The following SLCO3A1 variants were observed in gnomAD, a reference collection of about 807,000 sequenced individuals.
SLCO3A1 encodes PGE1 transporter.
Under a neutral mutation model 63.1 loss-of-function variants are expected in SLCO3A1, and 27 were observed. The observed-to-expected ratio is 0.43, with a 90% confidence interval of 0.32 to 0.59. The LOEUF (loss-of-function observed/expected upper bound fraction) is 0.59. Among genes scored for constraint, SLCO3A1 ranks in the 20% least tolerant of loss-of-function variants. The pLI, the probability that SLCO3A1 is intolerant of heterozygous loss-of-function variation, is 0.09. For missense variants in SLCO3A1, 773 were observed against 945.8 expected (o/e 0.82, Z 2.40); for synonymous variants, 473 against 409.9 (o/e 1.15, Z -1.86).
chr15:92,064,746 A>G (rs763441178), intron 2 of SLCO3A1, among the ~76,000 whole-genome samples: 1 of 152,200 alleles, frequency 6.6e-6, no homozygotes, highest in African/African-American at 2.4e-5. Flanking sequence ...GAACTGGAAG[A>G]CGTTATGAAA....
In SLCO3A1 at chr15:92,086,958, G is replaced by C. The variant is rs2047411962; in HGVS notation, c.647-7923G>C. Among the ~76,000 whole-genome samples, 3 of 149,290 alleles carry C rather than the reference G, an allele frequency of 2.0e-5. No individual in the cohort carries two copies. The South Asian group carries it at 6.5e-4, about 32-fold the overall frequency. On this transcript the variant is annotated intron_variant, in intron 2 of 9. Coordinates refer to ENST00000318445, the MANE Select transcript of SLCO3A1 (RefSeq NM_013272.4). ...AGATCAAGTCACTTCACTCTAACCGGGGTGAAAAAGCAAAACTCCGTCTCA... is the reference window on the plus strand; with the variant it reads ...AGATCAAGTCACTTCACTCTAACCGCGGTGAAAAAGCAAAACTCCGTCTCA...
intron 2 of SLCO3A1, among the ~76,000 whole-genome samples, chr15:91,979,484 A>AG (rs1901251537): frequency 1.3e-5 from 2 of 152,224 alleles, no homozygotes; most frequent in African/African-American, 2.4e-5. Context: ...CAACCTGTAT[A>AG]AATAACCTTA....
At chr15:92,112,418 C>T (rs2047740036) in intron 4 of SLCO3A1, among the ~76,000 whole-genome samples, 1 of 152,366 alleles carries the variant, frequency 6.6e-6, no homozygotes, top group Non-Finnish European at 1.5e-5. Context: ...CCTTGTTTCC[C>T]AGCCAGGAGT....
chr15:91,855,898 C>A (rs1396916406), intron 1 of SLCO3A1, among the ~76,000 whole-genome samples: 1 of 152,066 alleles, frequency 6.6e-6, no homozygotes, highest in African/African-American at 2.4e-5. Context: ...GTGCATTATT[C>A]ATGTGTGGCA....
Position 91,882,996 on chromosome 15 carries a change from G to T in SLCO3A1, c.180+28908G>T, listed in dbSNP as rs776029005. The stretch of plus-strand genomic sequence containing the variant: ...ATGCCCAGTGAGTAAGGGAATGACA[G>T]ATGGGACAGCAGCCACCATGCAAGC... On this transcript the variant is annotated intron_variant, in intron 1 of 9. Transcript: ENST00000318445. The surrounding 1 kb of genome is among the most constrained non-coding windows in gnomAD (Gnocchi z 4.4). Among the ~76,000 whole-genome samples the T allele has an allele frequency of 2.6e-5, 4 of 152,214 alleles. No individual in the cohort carries two copies. The highest frequency in any genetic ancestry group is 5.9e-5 in the Non-Finnish European group (4 of 68,040).
chr15:92,061,752 A>T (rs942502342), intron 2 of SLCO3A1, among the ~76,000 whole-genome samples: 11 of 152,156 alleles, frequency 7.2e-5, no homozygotes, highest in African/African-American at 2.7e-4. Flanking sequence ...GGCCAGAAGG[A>T]CCAGGAGCCT....
chr15:91,919,468 A>G (rs1378857052), intron 2 of SLCO3A1, among the ~76,000 whole-genome samples: 6 of 152,214 alleles, frequency 3.9e-5, no homozygotes, highest in Admixed American at 3.9e-4. Flanking sequence ...CCGGACTCAC[A>G]GTGCAGCCAG....
intron 4 of SLCO3A1, among the ~76,000 whole-genome samples, chr15:92,111,387 C>CT (rs1223149367): frequency 2.6e-5 from 4 of 152,076 alleles, no homozygotes; most frequent in Admixed American, 1.3e-4. Flanking sequence ...CAGCTGAGCA[C>CT]TTTTTTTTAA....
intron 7 of SLCO3A1, among the ~76,000 whole-genome samples, chr15:92,135,013 G>C (rs1162497701): frequency 2.0e-5 from 3 of 152,174 alleles, no homozygotes; most frequent in Non-Finnish European, 4.4e-5. Flanking sequence ...AGTTGGAGGG[G>C]GAGACGTGGC....
At position 91,883,131 on chromosome 15, in the gene SLCO3A1, C is replaced by T. The variant is rs1797432301; in HGVS notation, c.180+29043C>T. ...GTCCTCTCTGTCAGCTCCTCTTAAT[C>T]TCCATGTTACTCAGATGCTTTGAGG... On this transcript the variant is annotated intron_variant, in intron 1 of 9. Coordinates refer to ENST00000318445, the MANE Select transcript of SLCO3A1 (RefSeq NM_013272.4). The surrounding 1 kb of genome is among the most constrained non-coding windows in gnomAD (Gnocchi z 4.8). 1.3e-5 allele frequency among the ~76,000 whole-genome samples: 2 copies of T among 152,226 alleles called. No individual in the cohort carries two copies. Among genetic ancestry groups the T allele is most frequent in the Non-Finnish European group, 2.9e-5 (2 of 68,036 alleles).
intron 7 of SLCO3A1, among the ~76,000 whole-genome samples, chr15:92,137,062 C>T (rs1396130588): frequency 4.8e-5 from 7 of 146,354 alleles, no homozygotes; most frequent in African/African-American, 7.8e-5. Context: ...CATGCTGGTG[C>T]GCTGCACCCA....
rs1323684276 is a variant in SLCO3A1 at position 91,886,063 on chromosome 15, T to C, written c.181-29930T>C. ...CCCTGTGAGCCACAGGGAGGCAGAG[T>C]TGGTCCCTTTTAAATATTGGGGCTG... On this transcript the variant is annotated intron_variant, in intron 1 of 9. Coordinates refer to ENST00000318445, the MANE Select transcript of SLCO3A1 (RefSeq NM_013272.4). The surrounding 1 kb of genome is among the most constrained non-coding windows in gnomAD (Gnocchi z 4.9). Among the ~76,000 whole-genome samples, 1 of 151,550 alleles carries C rather than the reference T, an allele frequency of 6.6e-6. No homozygotes were observed. The highest frequency in any genetic ancestry group is 1.5e-5 in the Non-Finnish European group (1 of 67,830).
chr15:92,078,251 T>G (rs946431841), intron 2 of SLCO3A1, among the ~76,000 whole-genome samples: 5 of 152,188 alleles, frequency 3.3e-5, no homozygotes, highest in African/African-American at 1.2e-4. Context: ...AAGTTGGCTT[T>G]TGGGAGCACC....
At position 91,959,205 on chromosome 15, in the gene SLCO3A1, T is replaced by A. The variant is rs559907904; in HGVS notation, c.646+42747T>A. Among the ~76,000 whole-genome samples the A allele has an allele frequency of 5.3e-5, 8 of 151,628 alleles. No homozygotes were observed. The South Asian group carries it at 1.7e-3, about 32-fold the overall frequency. ...AATACCATACGTTCTCACTTATGAGTGGGAGGGAGCTAAGCTATGAGGACA... is the reference window on the plus strand; with the variant it reads ...AATACCATACGTTCTCACTTATGAGAGGGAGGGAGCTAAGCTATGAGGACA... On this transcript the variant is annotated intron_variant, in intron 2 of 9. Transcript: ENST00000318445.
chr15:92,155,538 C>T (rs1185139223), intron 9 of SLCO3A1, among the ~76,000 whole-genome samples: 1 of 152,024 alleles, frequency 6.6e-6, no homozygotes, highest in African/African-American at 2.4e-5. Flanking sequence ...ATGGGGGTTT[C>T]AGATGGGAGA....
intron 2 of SLCO3A1, among the ~76,000 whole-genome samples, chr15:91,961,348 G>T (rs1414592506): frequency 6.6e-6 from 1 of 152,226 alleles, no homozygotes; most frequent in Non-Finnish European, 1.5e-5. Context: ...CCAAAGGAAG[G>T]CTTGATTTTC....
intron 2 of SLCO3A1, among the ~76,000 whole-genome samples, chr15:91,994,671 A>C (rs889027957): frequency 3.3e-5 from 5 of 150,806 alleles, no homozygotes; most frequent in Non-Finnish European, 5.9e-5. Context: ...TAAATCACTT[A>C]TTGGAGCTTC....
At chr15:91,928,488 G>A (rs1383096003) in intron 2 of SLCO3A1, among the ~76,000 whole-genome samples, 2 of 152,044 alleles carry the variant, frequency 1.3e-5, no homozygotes, top group African/African-American at 2.4e-5. Context: ...CTTTCCCATC[G>A]TATGCTACCC....
intron 2 of SLCO3A1, among the ~76,000 whole-genome samples, chr15:92,013,091 C>G (rs529603628): frequency 2.0e-5 from 3 of 152,274 alleles, no homozygotes; most frequent in Middle Eastern, 3.4e-3. Context: ...CTCCACTGGA[C>G]TAGAAGAAAG....
Sources: gnomAD v4.1 joint callset for allele counts (sites outside exome capture counted in the v4.1 genomes callset) on GRCh38, gnomAD v4.1.1 for gene constraint, Gnocchi (gnomAD v3.1) non-coding constraint, MANE v1.5 for transcripts, NCBI Gene and HGNC (gene_info 2026-07-23, HGNC 2026-07-21) for gene names.